RIMS1: variants seen among roughly 807,000 people sequenced by gnomAD.
The protein encoded by RIMS1 is regulating synaptic membrane exocytosis 1.
A neutral mutation model predicts 214.1 loss-of-function variants in RIMS1; 83 were observed. The ratio of observed to expected loss-of-function variants is 0.39; its 90% CI spans 0.32 to 0.47. The LOEUF (loss-of-function observed/expected upper bound fraction) is 0.47. RIMS1 is among the 20% of genes least tolerant of loss of function. The pLI, the probability that RIMS1 is intolerant of heterozygous loss-of-function variation, is 0.99. For synonymous variants in RIMS1, 793 were observed against 786.8 expected, an observed-to-expected ratio of 1.01 and a Z score of -0.13; for missense variants, 2,050 against 2,161.8, an observed-to-expected ratio of 0.95 and a Z score of 1.03.
chr6:72,000,782 A>G (rs1804934123), intron 2 of RIMS1, among the ~76,000 whole-genome samples: 1 of 152,164 alleles, frequency 6.6e-6, no homozygotes, highest in Admixed American at 6.6e-5. Flanking sequence ...GCCATTGTTT[A>G]TAGTCCTATC....
chr6:71,962,598 C>T (rs906266333), intron 1 of RIMS1, among the ~76,000 whole-genome samples: 45 of 152,092 alleles, frequency 3.0e-4, no homozygotes, highest in African/African-American at 1.0e-3. Flanking sequence ...ACTGTTCCAT[C>T]TTCATCTTAT....
At chr6:72,382,433 G>C (rs1395098045) in intron 29 of RIMS1, among the ~76,000 whole-genome samples, 2 of 152,178 alleles carry the variant, frequency 1.3e-5, no homozygotes, top group Non-Finnish European at 2.9e-5. Flanking sequence ...AAGGAGAGCT[G>C]CTGCATATTT....
intron 1 of RIMS1, among the ~76,000 whole-genome samples, chr6:71,946,017 C>A (rs183070669): frequency 2.0e-3 from 304 of 151,808 alleles, no homozygotes; most frequent in Non-Finnish European, 2.1e-3. Flanking sequence ...TTACCTGATA[C>A]AAAAGCAAAA....
intron 4 of RIMS1, chr6:72,148,504 G>T: frequency 2.3e-6 from 1 of 442,718 alleles, no homozygotes. Context: ...AGGCCTAGAG[G>T]GTAGGATTAT....
At chr6:71,893,203 T>C (rs998256474) in intron 1 of RIMS1, among the ~76,000 whole-genome samples, 1 of 152,212 alleles carries the variant, frequency 6.6e-6, no homozygotes, top group Non-Finnish European at 1.5e-5. Context: ...CCTTTCATGC[T>C]AGCAATGCAG....
intron 2 of RIMS1, among the ~76,000 whole-genome samples, chr6:71,975,506 T>C (rs186551588): frequency 7.7e-4 from 117 of 152,324 alleles, no homozygotes; most frequent in African/African-American, 2.8e-3. Context: ...TGAATCATGG[T>C]ACATGAATCA....
chr6:71,999,033 A>G (rs1182355667), intron 2 of RIMS1, among the ~76,000 whole-genome samples: 2 of 151,918 alleles, frequency 1.3e-5, no homozygotes, highest in African/African-American at 4.8e-5. Context: ...TCAAGTTAGG[A>G]TATTGTTATG....
chr6:72,251,386 T>A lies in RIMS1; in HGVS notation c.2698+18T>A, dbSNP rs758488282. 1 of 1,543,040 alleles carries A rather than the reference T, an allele frequency of 6.5e-7. No homozygotes were observed. Among genetic ancestry groups the A allele is most frequent in the Non-Finnish European group, 8.8e-7 (1 of 1,142,340 alleles). ...GCTACAAAGTAGGTTAAGGTCCTTTTAGTTGCCACAAAGTAATTATGCTGT... is the reference window on the plus strand; with the variant it reads ...GCTACAAAGTAGGTTAAGGTCCTTTAAGTTGCCACAAAGTAATTATGCTGT... On this transcript the variant is annotated intron_variant, in intron 15 of 33. Transcript: ENST00000521978.
At chr6:72,337,283 T>A (rs2096873471) in intron 29 of RIMS1, among the ~76,000 whole-genome samples, 1 of 151,856 alleles carries the variant, frequency 6.6e-6, no homozygotes, top group African/African-American at 2.4e-5. Context: ...ATACTAACTG[T>A]ATAATATTCC....
chr6:72,075,358 T>C (rs1350159367), intron 2 of RIMS1, among the ~76,000 whole-genome samples: 2 of 152,168 alleles, frequency 1.3e-5, no homozygotes, highest in African/African-American at 4.8e-5. Context: ...TCCTCCTGCC[T>C]CAACCTCCTA....
At position 72,260,740 on chromosome 6, in the gene RIMS1, G is replaced by T. The variant is rs367992303; in HGVS notation, c.3089G>T (p.Arg1030Leu). 1.9e-6 allele frequency: 3 copies of T among 1,612,236 alleles called. No individual in the cohort carries two copies. The highest frequency in any genetic ancestry group is 2.5e-6 in the Non-Finnish European group (3 of 1,178,856). The change falls in exon 19 of 34, where the codon CGA becomes CTA. Residue 1030 changes from arginine to leucine, a missense_variant. Around this residue, in one of 6 missense-constraint regions of RIMS1, gnomAD observed 889 missense variants for 885.5 expected, o/e 1.00. Coordinates refer to ENST00000521978, the MANE Select transcript of RIMS1 (RefSeq NM_014989.7). ...LLMLPRAKRG[R>L]SAECLHTTRH... ...ATGCTGCCCAGAGCAAAACGAGGACGAAGTGCAGAATGCCTACATACTACC... is the reference window on the plus strand; with the variant it reads ...ATGCTGCCCAGAGCAAAACGAGGACTAAGTGCAGAATGCCTACATACTACC...
rs1401617539 is a variant in RIMS1 at position 72,160,200 on chromosome 6, G to A, written c.472-19375G>A. ...GGCTCTCTGTTTGTCTTTTGTTGGT[G>A]TATAAGAATGCTTGTGATTTTTGCA... On this transcript the variant is annotated intron_variant, in intron 4 of 33. Transcript: ENST00000521978. 3.9e-5 allele frequency among the ~76,000 whole-genome samples: 5 copies of A among 129,766 alleles called. 1 individual carries two copies. The highest frequency in any genetic ancestry group is 5.2e-5 in the Non-Finnish European group (3 of 57,438). The allele number at this position is 129,766 out of a possible 152,430, so 85.1% of individuals were successfully genotyped here.
chr6:72,233,331 A>T (rs991090897), intron 6 of RIMS1, among the ~76,000 whole-genome samples: 5 of 151,754 alleles, frequency 3.3e-5, no homozygotes, highest in Non-Finnish European at 5.9e-5. Flanking sequence ...AGAGAAGATA[A>T]AGATCAGATA....
intron 6 of RIMS1, chr6:72,216,699 C>T (rs1047243844): frequency 1.0e-6 from 1 of 985,714 alleles, no homozygotes; most frequent in Non-Finnish European, 1.2e-6. Context: ...CCATGGGTAT[C>T]CCAGTGAGTG....
chr6:72,278,277 A>G, intron 23 of RIMS1, among the ~76,000 whole-genome samples: 1 of 152,016 alleles, frequency 6.6e-6, no homozygotes, highest in Non-Finnish European at 1.5e-5. Flanking sequence ...TTATTTCCAG[A>G]ACTTTAAATT....
intron 2 of RIMS1, among the ~76,000 whole-genome samples, chr6:72,073,076 G>T (rs1224253760): frequency 6.6e-6 from 1 of 152,154 alleles, no homozygotes; most frequent in East Asian, 1.9e-4. Flanking sequence ...GGTATTTCGA[G>T]CCCTGACTGT....
chr6:72,261,270 T>C (rs2077876608), intron 19 of RIMS1: 1 of 999,602 alleles, frequency 1.0e-6, no homozygotes, highest in Non-Finnish European at 1.2e-6. Context: ...ATGGCTGAGC[T>C]TCAGCTTCTT....
chr6:72,238,298 T>C (rs1449331829), intron 9 of RIMS1, among the ~76,000 whole-genome samples: 1 of 152,064 alleles, frequency 6.6e-6, no homozygotes, highest in Non-Finnish European at 1.5e-5. Flanking sequence ...ACTATTTAGT[T>C]ATTTAGTTTA....
At position 72,182,929 on chromosome 6, in the gene RIMS1, G is replaced by T; in HGVS notation, c.1458G>T (p.Lys486Asn). The T allele has an allele frequency of 6.3e-7, 1 of 1,585,460 alleles. No individual in the cohort carries two copies. Among genetic ancestry groups the T allele is most frequent in the South Asian group, 1.2e-5 (1 of 86,742 alleles). ...CCAGCTCGGCGGTCCTCATGCGGAA[G>T]GCCAAGCGCGAGAAGGTGGAGACCA... ...LDPSSAVLMR[K>N]AKREKVETML... Residue 486 changes from lysine to asparagine, a missense_variant, in exon 6 of 34, where the codon AAG becomes AAT. Lys to Asn is a moderately conservative substitution (Grantham distance 94, BLOSUM62 0). Coordinates refer to ENST00000521978, the MANE Select transcript of RIMS1 (RefSeq NM_014989.7).
Sources: allele counts gnomAD v4.1 joint callset (sites outside exome capture counted in the v4.1 genomes callset), GRCh38; gene constraint gnomAD v4.1.1; regional missense constraint gnomAD v4.1.1; transcripts MANE v1.5; gene names NCBI Gene and HGNC (gene_info 2026-07-23, HGNC 2026-07-21).